NTM: variants seen among roughly 807,000 people sequenced by gnomAD.
NTM encodes neurotrimin.
Under a neutral mutation model 42.1 loss-of-function variants are expected in NTM, and 13 were observed. The observed-to-expected ratio is 0.31, with a 90% CI of 0.20 to 0.49. The LOEUF (loss-of-function observed/expected upper bound fraction) is 0.49. NTM is among the 20% of genes least tolerant of loss of function. The pLI is 0.99. For synonymous variants in NTM, 187 were observed against 179.2 expected (o/e 1.04, Z -0.35); for missense variants, 373 against 452.8 (o/e 0.82, Z 1.60).
intron 3 of NTM, among the ~76,000 whole-genome samples, chr11:132,182,144 A>C (rs548759703): frequency 6.6e-6 from 1 of 152,048 alleles, no homozygotes; most frequent in South Asian, 2.1e-4. Flanking sequence ...AGAAACCTCC[A>C]TCATTTGCTA....
intron 3 of NTM, among the ~76,000 whole-genome samples, chr11:132,188,720 A>G (rs1018424709): frequency 6.6e-6 from 1 of 152,218 alleles, no homozygotes; most frequent in African/African-American, 2.4e-5. Flanking sequence ...GCATATACAC[A>G]TAACTGTATC....
chr11:131,474,523 A>G (rs1005367309), intron 1 of NTM, among the ~76,000 whole-genome samples: 1 of 152,086 alleles, frequency 6.6e-6, no homozygotes, highest in Non-Finnish European at 1.5e-5. Context: ...CCCAGGTACC[A>G]TATGCCTCAG....
intron 2 of NTM, among the ~76,000 whole-genome samples, chr11:132,125,028 G>A (rs1224662055): frequency 1.3e-5 from 2 of 152,068 alleles, no homozygotes; most frequent in Non-Finnish European, 2.9e-5. Flanking sequence ...TTCTACAGGT[G>A]GGCCTGATTT....
intron 2 of NTM, among the ~76,000 whole-genome samples, chr11:132,005,674 T>TA: frequency 6.6e-6 from 1 of 152,208 alleles, no homozygotes; most frequent in African/African-American, 2.4e-5. Flanking sequence ...TCCAACATGC[T>TA]AATTGTGTGG....
intron 1 of NTM, among the ~76,000 whole-genome samples, chr11:131,673,937 C>A (rs2134683208): frequency 6.6e-6 from 1 of 152,300 alleles, no homozygotes. Flanking sequence ...AAAGGCGGCA[C>A]AAAGAGAAAG....
At chr11:131,655,929 A>G (rs570489886) in intron 1 of NTM, among the ~76,000 whole-genome samples, 14 of 152,194 alleles carry the variant, frequency 9.2e-5, no homozygotes, top group African/African-American at 3.1e-4. Context: ...GCCCTATCCC[A>G]CCATTGAACC....
At chr11:132,293,873 G>T (rs1384672208) in intron 4 of NTM, among the ~76,000 whole-genome samples, 1 of 152,090 alleles carries the variant, frequency 6.6e-6, no homozygotes, top group Non-Finnish European at 1.5e-5. Context: ...TTTAACAGTT[G>T]CTCTAGAGGC....
chr11:132,222,521 T>C (rs2138878552), intron 4 of NTM, among the ~76,000 whole-genome samples: 1 of 152,312 alleles, frequency 6.6e-6, no homozygotes, highest in East Asian at 1.9e-4. Flanking sequence ...TCTTCCTAGC[T>C]GTGTAAAATG....
At chr11:131,683,530 C>A (rs1377643259) in intron 1 of NTM, among the ~76,000 whole-genome samples, 1 of 152,174 alleles carries the variant, frequency 6.6e-6, no homozygotes, top group African/African-American at 2.4e-5. Flanking sequence ...GGCTGATGGA[C>A]CCTAATTGTG....
At chr11:132,099,818 A>G (rs1390708150) in intron 2 of NTM, among the ~76,000 whole-genome samples, 2 of 152,216 alleles carry the variant, frequency 1.3e-5, no homozygotes, top group South Asian at 2.1e-4. Context: ...AAGCATTGTA[A>G]CAACTGGTGG....
chr11:132,107,491 G>C (rs1399352427), intron 2 of NTM, among the ~76,000 whole-genome samples: 1 of 151,286 alleles, frequency 6.6e-6, no homozygotes. Context: ...GCTAGAAGTA[G>C]AGGTGCACCA....
intron 1 of NTM, among the ~76,000 whole-genome samples, chr11:131,820,257 C>T (rs947916825): frequency 2.6e-5 from 4 of 152,102 alleles, no homozygotes; most frequent in Admixed American, 1.3e-4. Context: ...TTTCCCTTAT[C>T]GCCTCTATGT....
At chr11:131,896,767 C>T (rs960194528) in intron 1 of NTM, among the ~76,000 whole-genome samples, 1 of 148,622 alleles carries the variant, frequency 6.7e-6, no homozygotes, top group South Asian at 2.1e-4. Context: ...CAGCTCACTG[C>T]AAGCTCCGCC....
At chr11:131,487,203 A>G (rs1487939926) in intron 1 of NTM, among the ~76,000 whole-genome samples, 1 of 152,152 alleles carries the variant, frequency 6.6e-6, no homozygotes, top group African/African-American at 2.4e-5. Context: ...CATTCAAAGC[A>G]TATGTTTATC....
At chr11:132,100,518 G>A (rs2061504019) in intron 2 of NTM, among the ~76,000 whole-genome samples, 1 of 152,196 alleles carries the variant, frequency 6.6e-6, no homozygotes, top group Non-Finnish European at 1.5e-5. Context: ...ACCAGCTATA[G>A]AACTGGGGTG....
chr11:131,514,749 T>G (rs2136492468), intron 1 of NTM, among the ~76,000 whole-genome samples: 1 of 152,108 alleles, frequency 6.6e-6, no homozygotes, highest in African/African-American at 2.4e-5. Context: ...CTACCACGCC[T>G]GACTAAGTTT....
At chr11:132,103,168 T>G (rs2061840510) in intron 2 of NTM, among the ~76,000 whole-genome samples, 3 of 152,180 alleles carry the variant, frequency 2.0e-5, no homozygotes, top group Admixed American at 6.5e-5. Flanking sequence ...AGGCAGCACC[T>G]CCTCCTCACC....
intron 2 of NTM, among the ~76,000 whole-genome samples, chr11:132,077,623 G>C (rs2058534587): frequency 6.6e-6 from 1 of 152,200 alleles, no homozygotes; most frequent in East Asian, 1.9e-4. Flanking sequence ...TGACTGATAA[G>C]GGGCAGAGGC....
chr11:131,866,625 G>A (rs1383129984), intron 1 of NTM, among the ~76,000 whole-genome samples: 1 of 152,198 alleles, frequency 6.6e-6, no homozygotes, highest in African/African-American at 2.4e-5. Flanking sequence ...CCTCCATGGC[G>A]CCCAAGACTG....
Sources: allele counts gnomAD v4.1 joint callset (sites outside exome capture counted in the v4.1 genomes callset), GRCh38; gene constraint gnomAD v4.1.1; transcripts MANE v1.5; gene names NCBI Gene and HGNC (gene_info 2026-07-23, HGNC 2026-07-21).